C1orf198: variants seen among roughly 807,000 people sequenced by gnomAD.
C1orf198 encodes uncharacterized protein C1orf198.
Under a neutral mutation model 31.4 loss-of-function variants are expected in C1orf198, and 17 were observed. The ratio of observed to expected loss-of-function variants is 0.54; its 90% confidence interval spans 0.37 to 0.81. C1orf198 has a LOEUF of 0.81. C1orf198 is among the 40% of genes least tolerant of loss of function. The probability of loss-of-function intolerance (pLI) is 0.00; values close to 1 mark genes in which losing one functional copy is unlikely to be tolerated. For missense variants in C1orf198, 401 were observed against 450.3 expected, an observed-to-expected ratio of 0.89 and a Z score of 0.99; for synonymous variants, 175 against 193.8, an observed-to-expected ratio of 0.90 and a Z score of 0.81.
chr1:230,868,996 T>C (rs1572143774), upstream of C1orf198: 1 of 152,398 alleles, frequency 6.6e-6, no homozygotes, highest in African/African-American at 2.4e-5. Flanking sequence ...GCTGGCTGCC[T>C]GGCTTCTGTT....
chr1:230,849,470 C>A (rs1173570112), intron 2 of C1orf198, among the ~76,000 whole-genome samples: 2 of 152,180 alleles, frequency 1.3e-5, no homozygotes, highest in African/African-American at 2.4e-5. Context: ...ACACTGACAG[C>A]CCAGCCTCAA....
In C1orf198 at chr1:230,843,654, C is replaced by G. The variant is rs541415344; in HGVS notation, c.627G>C (p.Ser209=). The stretch of plus-strand genomic sequence containing the variant: ...TGGACTTGATCTGGCTAGGGGTCAG[C>G]GACTGGAACTCGGCCTCAGGCCCCT... ...RGEGPEAEFQ[S]LTPSQIKSME... Residue 209 remains serine (S), a synonymous_variant, in exon 3 of 4, where the codon TCG becomes TCC. Coordinates refer to ENST00000366663, the MANE Select transcript of C1orf198 (RefSeq NM_032800.3). This position sits in a 1 kb window ranked among gnomAD's most constrained non-coding sequence, Gnocchi z 4.9. 6.2e-7 allele frequency: 1 copy of G among 1,614,214 alleles called. No individual in the cohort carries two copies. Among genetic ancestry groups the G allele is most frequent in the Admixed American group, 1.7e-5 (1 of 60,034 alleles).
chr1:230,843,521 G>A lies in C1orf198; in HGVS notation c.760C>T (p.Pro254Ser), dbSNP rs146784804. Reference sequence around the variant, plus strand: ...CGTTCGGTGCTCACGTTGGGAAGAGGACGCTGCTCCTGACGGAGGGTGCTG... The same window carrying A: ...CGTTCGGTGCTCACGTTGGGAAGAGAACGCTGCTCCTGACGGAGGGTGCTG... The part of the protein sequence containing the change: ...RPSTLRQEQR[P>S]LPNVSTERER... Residue 254 changes from proline to serine, a missense_variant, in exon 3 of 4, where the codon CCT becomes TCT. By Grantham distance (74) the Pro-to-Ser change is moderately conservative. Transcript: ENST00000366663. The surrounding 1 kb of genome is among the most constrained non-coding windows in gnomAD (Gnocchi z 4.9). 1.2e-6 allele frequency: 2 copies of A among 1,612,262 alleles called. No homozygotes were observed. The highest frequency in any genetic ancestry group is 8.5e-7 in the Non-Finnish European group (1 of 1,178,762).
intron 1 of C1orf198, among the ~76,000 whole-genome samples, chr1:230,865,927 C>T (rs1437733502): frequency 6.6e-6 from 1 of 152,224 alleles, no homozygotes; most frequent in African/African-American, 2.4e-5. Context: ...AAGAAATAGG[C>T]AGTGTCCTTC....
chr1:230,855,844 T>G (rs1204295944), intron 1 of C1orf198, 126 bp from the exon 2 acceptor site: 1 of 1,494,810 alleles, frequency 6.7e-7, no homozygotes, highest in Non-Finnish European at 8.9e-7. Flanking sequence ...TAAACAAGCC[T>G]GATGCTTTGA....
At chr1:230,858,830 T>C (rs953754781) in intron 1 of C1orf198, among the ~76,000 whole-genome samples, 13 of 152,206 alleles carry the variant, frequency 8.5e-5, no homozygotes, top group Admixed American at 5.9e-4. Context: ...GGTGGCTCAA[T>C]ACAACACTCT....
At chr1:230,860,082 A>G (rs1417761874) in intron 1 of C1orf198, among the ~76,000 whole-genome samples, 1 of 152,180 alleles carries the variant, frequency 6.6e-6, no homozygotes, top group Non-Finnish European at 1.5e-5. Context: ...CTGTTGTTAA[A>G]TATCTTGTTT....
At chr1:230,851,062 T>G (rs552383708) in intron 2 of C1orf198, among the ~76,000 whole-genome samples, 1 of 150,862 alleles carries the variant, frequency 6.6e-6, no homozygotes, top group Non-Finnish European at 1.5e-5. Context: ...ATCCCTATCA[T>G]GGGCACAGCA....
rs11320938 is a variant in C1orf198, at chr1:230,847,278, CAAAAAAA to C, written c.385-3389_385-3383del. The stretch of plus-strand genomic sequence containing the variant: ...TGGGCAACAGAATGAGACTCTGTCT[CAAAAAAA>C]AAAAAAAGAAAAAAAAGAAACAGCC... On this transcript the variant is annotated intron_variant, in intron 2 of 3. Transcript: ENST00000366663. Among the ~76,000 whole-genome samples the C allele has an allele frequency of 1.1e-3, 96 of 91,260 alleles. 1 individual carries two copies. Among genetic ancestry groups the C allele is most frequent in the Non-Finnish European group, 3.8e-4 (15 of 39,622 alleles). The allele number at this position is 91,260 out of a possible 152,430, so 59.9% of individuals were successfully genotyped here.
Position 230,843,928 on chromosome 1 carries a change from A to C in C1orf198, c.385-32T>G. ...TGGGACATGAGAAAGGACAGAAAAA[A>C]GAAAGAGATCCTGAGAATCGACCGT... On this transcript the variant is annotated intron_variant, in intron 2 of 3. Transcript: ENST00000366663. The surrounding 1 kb of genome is among the most constrained non-coding windows in gnomAD (Gnocchi z 4.9). 1 of 1,494,594 alleles carries C rather than the reference A, an allele frequency of 6.7e-7. No individual in the cohort carries two copies. The allele number at this position is 1,494,594 out of a possible 1,614,324, so 92.6% of individuals were successfully genotyped here.
intron 1 of C1orf198, among the ~76,000 whole-genome samples, chr1:230,856,687 G>C (rs79608714): frequency 0.011 from 1,727 of 152,286 alleles, 13 homozygotes; most frequent in Non-Finnish European, 0.019. Flanking sequence ...CACCATGTCT[G>C]ACTGCTTCTA....
At chr1:230,849,302 C>T (rs1391141548) in intron 2 of C1orf198, among the ~76,000 whole-genome samples, 1 of 152,028 alleles carries the variant, frequency 6.6e-6, no homozygotes, top group Admixed American at 6.6e-5. Context: ...GGATGAGGCT[C>T]ATGAAGGGGA....
At chr1:230,868,047 C>G in intron 1 of C1orf198, 133 bp downstream of exon 1, 1 of 975,238 alleles carries the variant, frequency 1.0e-6, no homozygotes, top group Non-Finnish European at 1.4e-6. Context: ...CCCCTCCCAC[C>G]CACTGCCATT....
chr1:230,862,013 G>A (rs1023915325), intron 1 of C1orf198, among the ~76,000 whole-genome samples: 4 of 152,250 alleles, frequency 2.6e-5, no homozygotes, highest in Non-Finnish European at 5.9e-5. Context: ...TTAGAGAGCA[G>A]AGCATGTGAG....
Position 230,838,163 on chromosome 1 carries a change from AG to A in C1orf198, c.*1688del, listed in dbSNP as rs1669349130. ...CCCTGAGGGGAGCTGGCGCTTGCCC[AG>A]GCTGTGCCAACTGGGATTTCTAAGC... On this transcript the variant is annotated 3_prime_UTR_variant, in exon 4 of 4. Coordinates refer to ENST00000366663, the MANE Select transcript of C1orf198 (RefSeq NM_032800.3). The surrounding 1 kb of genome is among the most constrained non-coding windows in gnomAD (Gnocchi z 4.2). 6.6e-6 allele frequency: 1 copy of A among 152,394 alleles called. No homozygotes were observed. Among genetic ancestry groups the A allele is most frequent in the Admixed American group, 6.5e-5 (1 of 15,310 alleles). 9.4% of individuals were successfully genotyped at this position (152,394 alleles called of 1,614,324 possible).
intron 1 of C1orf198, among the ~76,000 whole-genome samples, chr1:230,859,986 T>C (rs1336733440): frequency 6.6e-6 from 1 of 152,208 alleles, no homozygotes; most frequent in African/African-American, 2.4e-5. Flanking sequence ...TTTTGGAGGC[T>C]GCAAGGCTGC....
chr1:230,843,420 C>A lies in C1orf198; in HGVS notation c.861G>T (p.Leu287=), dbSNP rs1352887385. The A allele has an allele frequency of 6.3e-7, 1 of 1,578,480 alleles. No individual in the cohort carries two copies. The highest frequency in any genetic ancestry group is 1.4e-5 in the African/African-American group (1 of 73,992). Reference sequence around the variant, plus strand: ...CGTCCTGCCTGACATCAGGAGATGGCAGCTTCCCCTCGAGCTGGGAGGGGG... The same window carrying A: ...CGTCCTGCCTGACATCAGGAGATGGAAGCTTCCCCTCGAGCTGGGAGGGGG... ...EAAPSQLEGK[L]PSPDVRQDDG... Residue 287 remains leucine, a synonymous_variant, in exon 3 of 4, where the codon CTG becomes CTT. Transcript: ENST00000366663. This position sits in a 1 kb window ranked among gnomAD's most constrained non-coding sequence, Gnocchi z 4.9.
At chr1:230,859,479 C>T (rs1669956930) in intron 1 of C1orf198, among the ~76,000 whole-genome samples, 1 of 152,102 alleles carries the variant, frequency 6.6e-6, no homozygotes, top group South Asian at 2.1e-4. Flanking sequence ...AGTCAAATTC[C>T]GTAAGAGGCA....
chr1:230,852,809 A>G (rs1006759729), intron 2 of C1orf198, among the ~76,000 whole-genome samples: 2 of 152,346 alleles, frequency 1.3e-5, no homozygotes, highest in Middle Eastern at 3.4e-3. Flanking sequence ...TAGATTTAAA[A>G]TGGGTGCAAA....
Sources: allele counts gnomAD v4.1 joint callset (sites outside exome capture counted in the v4.1 genomes callset), GRCh38; gene constraint gnomAD v4.1.1; non-coding constraint Gnocchi (gnomAD v3.1); transcripts MANE v1.5; gene names NCBI Gene and HGNC (gene_info 2026-07-23, HGNC 2026-07-21).